ERC2: variants seen among roughly 807,000 people sequenced by gnomAD.
ERC2 encodes ELKS/RAB6-interacting/CAST family member 2.
In ERC2, 42 loss-of-function variants were observed where a neutral mutation model predicts 114.8. That is an observed-to-expected ratio of 0.37 (90% CI 0.29 to 0.47). The LOEUF is 0.47. ERC2 is among the 20% of genes least tolerant of loss of function. The pLI, the probability that ERC2 is intolerant of heterozygous loss-of-function variation, is 0.99. For synonymous variants in ERC2, 454 were observed against 425.5 expected (o/e 1.07, Z -0.82); for missense variants, 939 against 1,150.7 (o/e 0.82, Z 2.66).
At chr3:55,804,018 C>G (rs545280198) in intron 14 of ERC2, among the ~76,000 whole-genome samples, 1 of 152,164 alleles carries the variant, frequency 6.6e-6, no homozygotes, top group East Asian at 1.9e-4. Context: ...GGAAGTTATA[C>G]AAGATTCAAG....
intron 5 of ERC2, among the ~76,000 whole-genome samples, chr3:56,142,669 T>C (rs182272278): frequency 6.4e-4 from 97 of 152,294 alleles, no homozygotes; most frequent in African/African-American, 2.2e-3. Flanking sequence ...TATTTAGACA[T>C]ATTAAACACA....
intron 6 of ERC2, among the ~76,000 whole-genome samples, chr3:56,094,323 T>C (rs2077944267): frequency 6.6e-6 from 1 of 152,154 alleles, no homozygotes; most frequent in African/African-American, 2.4e-5. Flanking sequence ...TGCAGGAGGC[T>C]CCTGCATTCC....
intron 3 of ERC2, among the ~76,000 whole-genome samples, chr3:56,284,970 A>G (rs974091750): frequency 1.4e-5 from 2 of 138,996 alleles, no homozygotes; most frequent in African/African-American, 5.4e-5. Flanking sequence ...CTCTGTCTCT[A>G]TCAATCTCAA....
chr3:55,593,412 A>G (rs2057991231), intron 17 of ERC2, among the ~76,000 whole-genome samples: 1 of 152,194 alleles, frequency 6.6e-6, no homozygotes, highest in African/African-American at 2.4e-5. Flanking sequence ...GAAACAATGT[A>G]CACACACCTT....
At chr3:55,903,902 C>T (rs532574697) in intron 13 of ERC2, among the ~76,000 whole-genome samples, 192 of 152,330 alleles carry the variant, frequency 1.3e-3, no homozygotes, top group African/African-American at 4.4e-3. Flanking sequence ...TGCCTAGACT[C>T]ACACACACAT....
intron 2 of ERC2, among the ~76,000 whole-genome samples, chr3:56,323,319 G>C (rs2057210830): frequency 6.6e-6 from 1 of 152,148 alleles, no homozygotes; most frequent in Non-Finnish European, 1.5e-5. Context: ...ATAATGCTTG[G>C]AGCTCACACT....
chr3:55,550,887 G>A (rs1381616136), intron 17 of ERC2, among the ~76,000 whole-genome samples: 1 of 151,820 alleles, frequency 6.6e-6, no homozygotes, highest in African/African-American at 2.4e-5. Flanking sequence ...GTGGTGGTGG[G>A]TGCCTGTAGT....
At chr3:55,676,390 A>G (rs1202087110) in intron 17 of ERC2, among the ~76,000 whole-genome samples, 1 of 151,178 alleles carries the variant, frequency 6.6e-6, no homozygotes, top group East Asian at 1.9e-4. Flanking sequence ...CCCTACTCTC[A>G]CCCATAGCAG....
chr3:56,292,450 C>G (rs970096833), intron 3 of ERC2, among the ~76,000 whole-genome samples: 5 of 150,906 alleles, frequency 3.3e-5, no homozygotes, highest in Non-Finnish European at 4.4e-5. Flanking sequence ...AATAGCCAGG[C>G]ATCGTGGCAC....
At chr3:56,429,078 CT>C (rs1199040767) in intron 2 of ERC2, among the ~76,000 whole-genome samples, 1 of 152,198 alleles carries the variant, frequency 6.6e-6, no homozygotes, top group Non-Finnish European at 1.5e-5. Flanking sequence ...AAGTCAGTAA[CT>C]CTTATGTACC....
intron 6 of ERC2, among the ~76,000 whole-genome samples, chr3:56,125,455 G>A (rs2079815302): frequency 6.6e-6 from 1 of 152,214 alleles, no homozygotes; most frequent in Non-Finnish European, 1.5e-5. Flanking sequence ...GTGCCTAGCA[G>A]CCCAAGGCAC....
intron 17 of ERC2, among the ~76,000 whole-genome samples, chr3:55,559,770 T>C (rs1486676373): frequency 6.6e-6 from 1 of 152,256 alleles, no homozygotes; most frequent in Non-Finnish European, 1.5e-5. Flanking sequence ...GATTAATTTC[T>C]TTTTAATCCT....
chr3:56,200,355 A>AG (rs1401696101), intron 3 of ERC2, among the ~76,000 whole-genome samples: 1 of 151,676 alleles, frequency 6.6e-6, no homozygotes, highest in Non-Finnish European at 1.5e-5. Context: ...GGGGAAAAAA[A>AG]AAAAAAAACT....
At chr3:56,439,912 T>A (rs186484972) in intron 1 of ERC2, among the ~76,000 whole-genome samples, 67 of 152,320 alleles carry the variant, frequency 4.4e-4, no homozygotes, top group African/African-American at 1.5e-3. Flanking sequence ...AATTTTTCTA[T>A]CCCAGGAATT....
intron 6 of ERC2, among the ~76,000 whole-genome samples, chr3:56,130,095 A>T (rs944937832): frequency 6.6e-6 from 1 of 152,242 alleles, no homozygotes; most frequent in African/African-American, 2.4e-5. Context: ...GCAGAATTAC[A>T]TACAAAAAGA....
chr3:55,908,610 A>G (rs1197300474), intron 13 of ERC2, among the ~76,000 whole-genome samples: 1 of 152,074 alleles, frequency 6.6e-6, no homozygotes, highest in East Asian at 1.9e-4. Flanking sequence ...AAATGATAGA[A>G]GAGCAGGCAG....
intron 17 of ERC2, among the ~76,000 whole-genome samples, chr3:55,575,430 T>G (rs1429640806): frequency 1.3e-5 from 2 of 152,212 alleles, no homozygotes; most frequent in Non-Finnish European, 2.9e-5. Context: ...CTGCCTTGGT[T>G]CAAATCTTGG....
At chr3:56,186,114 T>TAAAAAAAAAAAAAAA (rs201544979) in intron 3 of ERC2, among the ~76,000 whole-genome samples, 3 of 102,540 alleles carry the variant, frequency 2.9e-5, no homozygotes, top group Admixed American at 1.1e-4. Flanking sequence ...TCAAGAACCT[T>TAAAAAAAAAAAAAAA]AAAAAAAAAA....
In ERC2 at chr3:55,734,903, A is replaced by G. The variant is rs766360136; in HGVS notation, c.2580T>C (p.Leu860=). 9 of 1,601,620 alleles carry G rather than the reference A, an allele frequency of 5.6e-6. No individual in the cohort carries two copies. The African/African-American group carries it at 9.4e-5, about 17-fold the overall frequency. ...TTGCATCTTTTTCACTGATGGCTGCAAGTAGTGCTTCCTGTCTGGTAAAAT... is the reference window on the plus strand; with the variant it reads ...TTGCATCTTTTTCACTGATGGCTGCGAGTAGTGCTTCCTGTCTGGTAAAAT... ...EILEMKQEAL[L]AAISEKDANI... The change falls in exon 15 of 18, where the codon CTT becomes CTC. Residue 860 remains leucine (L), a synonymous_variant. Coordinates refer to ENST00000288221, the MANE Select transcript of ERC2 (RefSeq NM_015576.3).
Sources: allele counts gnomAD v4.1 joint callset (sites outside exome capture counted in the v4.1 genomes callset), GRCh38; gene constraint gnomAD v4.1.1; transcripts MANE v1.5; gene names NCBI Gene and HGNC (gene_info 2026-07-23, HGNC 2026-07-21).